TACC2: variants seen among roughly 807,000 people sequenced by gnomAD.
The protein encoded by TACC2 is transforming acidic coiled-coil-containing protein 2.
TACC2 carries 137 observed loss-of-function variants against 227.3 expected under a neutral mutation model. That is an observed-to-expected ratio of 0.60 (90% CI 0.52 to 0.69). The LOEUF is 0.69. TACC2 is among the 30% of genes least tolerant of loss of function. The probability of loss-of-function intolerance (pLI) is 0.00; values close to 1 mark genes in which losing one functional copy is unlikely to be tolerated. For synonymous variants in TACC2, 1,523 were observed against 1,487.5 expected, an observed-to-expected ratio of 1.02 and a Z score of -0.55; for missense variants, 3,470 against 3,694.4, an observed-to-expected ratio of 0.94 and a Z score of 1.57.
rs1284732668 is a variant in TACC2 at position 122,205,637 on chromosome 10, G to GCACCT, written c.5972-4759_5972-4755dup. Among the ~76,000 whole-genome samples, 1 of 152,220 alleles carries GCACCT rather than the reference G, an allele frequency of 6.6e-6. No individual in the cohort carries two copies. The highest frequency in any genetic ancestry group is 1.9e-4 in the East Asian group (1 of 5,192). On this transcript the variant is annotated intron_variant, in intron 8 of 22. Transcript: ENST00000369005. This position sits in a 1 kb window ranked among gnomAD's most constrained non-coding sequence, Gnocchi z 4.5. ...GTTCCAGACTTCCCGATGAGGAGGC[G>GCACCT]CACCTGTGGCACCTGTTACGATGGG...
chr10:122,143,529 G>GAGC lies in TACC2; in HGVS notation c.5700-42_5700-40dup, dbSNP rs562307119. 452 of 1,592,816 alleles carry GAGC rather than the reference G, an allele frequency of 2.8e-4. 2 individuals are homozygous for GAGC. The African/African-American group carries it at 5.4e-3, about 19-fold the overall frequency. ...GGGGCCTGATGAATGTGCCATTAAT[G>GAGC]AGCCCAGCACCATGTGGAATAATTC... On this transcript the variant is annotated intron_variant, in intron 6 of 22. Coordinates refer to ENST00000369005, the MANE Select transcript of TACC2 (RefSeq NM_206862.4).
chr10:122,015,953 T>TAAAA (rs11401777), intron 1 of TACC2, among the ~76,000 whole-genome samples: 6,382 of 147,856 alleles, frequency 0.043, 186 homozygotes, highest in African/African-American at 0.076. Context: ...CCCAAAATGT[T>TAAAA]AAAAAAAAAA....
At chr10:122,081,238 G>C (rs1289157612) in intron 3 of TACC2, among the ~76,000 whole-genome samples, 1 of 151,912 alleles carries the variant, frequency 6.6e-6, no homozygotes, top group Non-Finnish European at 1.5e-5. Context: ...GCACAGCATT[G>C]ACTAGGCGTG....
At chr10:122,123,030 A>G (rs2086149355) in intron 5 of TACC2, among the ~76,000 whole-genome samples, 1 of 152,006 alleles carries the variant, frequency 6.6e-6, no homozygotes, top group African/African-American at 2.4e-5. Flanking sequence ...TTTTTTTGAG[A>G]GAGTTTCACT....
At chr10:121,993,421 A>T (rs908983269) in intron 1 of TACC2, among the ~76,000 whole-genome samples, 3 of 152,172 alleles carry the variant, frequency 2.0e-5, no homozygotes, top group African/African-American at 7.2e-5. Context: ...CTAGAAAAGA[A>T]ATATGAGAGG....
chr10:122,079,077 A>T (rs2079155754), intron 3 of TACC2: 1 of 152,242 alleles, frequency 6.6e-6, no homozygotes, highest in African/African-American at 2.4e-5. Context: ...GTTTCTTTCC[A>T]GCTTGATAAA....
chr10:122,180,329 C>A lies in TACC2; in HGVS notation c.5835-14711C>A, dbSNP rs1374012714. Among the ~76,000 whole-genome samples, 1 of 151,550 alleles carries A rather than the reference C, an allele frequency of 6.6e-6. No individual in the cohort carries two copies. Among genetic ancestry groups the A allele is most frequent in the Non-Finnish European group, 1.5e-5 (1 of 67,950 alleles). On this transcript the variant is annotated intron_variant, in intron 7 of 22. Transcript: ENST00000369005. The surrounding 1 kb of genome is among the most constrained non-coding windows in gnomAD (Gnocchi z 4.5). Reference sequence around the variant, plus strand: ...TGTTCTCCCTGCCTGAAACTTTCTTCCCCCCAGTTCTTTTTTTTTTTTTTT... The same window carrying A: ...TGTTCTCCCTGCCTGAAACTTTCTTACCCCCAGTTCTTTTTTTTTTTTTTT...
chr10:122,096,674 C>A (rs1290989149), intron 5 of TACC2, among the ~76,000 whole-genome samples: 2 of 141,738 alleles, frequency 1.4e-5, no homozygotes, highest in East Asian at 2.1e-4. Context: ...CCAGCCTGGG[C>A]GACAGAGCAA....
At chr10:122,199,504 T>C (rs11200469) in intron 8 of TACC2, among the ~76,000 whole-genome samples, 81,953 of 152,136 alleles carry the variant, frequency 0.54, 23,550 homozygotes, top group African/African-American at 0.75. Flanking sequence ...CATCCCAGAA[T>C]CCAGCTGAGG....
intron 7 of TACC2, among the ~76,000 whole-genome samples, chr10:122,185,758 G>A (rs191348437): frequency 1.3e-5 from 2 of 152,212 alleles, no homozygotes; most frequent in African/African-American, 4.8e-5. Flanking sequence ...AGATGGGTAA[G>A]GGGGTACTGG....
At chr10:122,212,549 T>TA (rs1035021785) in intron 9 of TACC2, among the ~76,000 whole-genome samples, 7 of 152,178 alleles carry the variant, frequency 4.6e-5, no homozygotes, top group African/African-American at 1.7e-4. Flanking sequence ...TCCTTACTCT[T>TA]ACGGGAAGTA....
intron 7 of TACC2, among the ~76,000 whole-genome samples, chr10:122,144,012 T>C (rs1424879603): frequency 6.6e-6 from 1 of 152,132 alleles, no homozygotes; most frequent in Non-Finnish European, 1.5e-5. Flanking sequence ...TTTATATGTA[T>C]ATATATATGC....
At chr10:122,048,819 G>T (rs2075349479) in intron 2 of TACC2, among the ~76,000 whole-genome samples, 2 of 152,208 alleles carry the variant, frequency 1.3e-5, no homozygotes, top group Admixed American at 1.3e-4. Context: ...AAGGTAGAAA[G>T]AAATGAGCTC....
intron 19 of TACC2, 80 bp downstream of exon 19, chr10:122,242,081 C>T: frequency 7.5e-7 from 1 of 1,335,630 alleles, no homozygotes; most frequent in Non-Finnish European, 1.1e-6. Flanking sequence ...ATAGGAGGCT[C>T]AGAGTGGGTT....
intron 1 of TACC2, among the ~76,000 whole-genome samples, chr10:122,004,330 G>A (rs979185581): frequency 3.3e-5 from 5 of 151,782 alleles, no homozygotes; most frequent in Admixed American, 6.6e-5. Flanking sequence ...TCTGGGAGGC[G>A]GAGGTTGCAG....
intron 7 of TACC2, among the ~76,000 whole-genome samples, chr10:122,146,816 A>G (rs1051728446): frequency 6.6e-6 from 1 of 152,130 alleles, no homozygotes; most frequent in Non-Finnish European, 1.5e-5. Flanking sequence ...CTGTTCCAGG[A>G]TCCCATCCAG....
chr10:122,214,833 G>A (rs2095367910), intron 9 of TACC2, among the ~76,000 whole-genome samples: 1 of 152,148 alleles, frequency 6.6e-6, no homozygotes, highest in Non-Finnish European at 1.5e-5. Flanking sequence ...CTTTAGTCAG[G>A]ATTCCACCTA....
intron 3 of TACC2, among the ~76,000 whole-genome samples, chr10:122,081,527 CAA>C (rs374512156): frequency 5.5e-5 from 6 of 109,542 alleles, no homozygotes; most frequent in Admixed American, 9.9e-5. Context: ...GACTCCGTCT[CAA>C]AAAAAAAAAA....
intron 7 of TACC2, among the ~76,000 whole-genome samples, chr10:122,174,760 CACTAAGTTGT>C (rs1188762410): frequency 6.6e-6 from 1 of 152,128 alleles, no homozygotes; most frequent in Non-Finnish European, 1.5e-5. Context: ...TAGATAGAGT[CACTAAGTTGT>C]ACAATAGATC....
Sources: allele counts gnomAD v4.1 joint callset (sites outside exome capture counted in the v4.1 genomes callset), GRCh38; gene constraint gnomAD v4.1.1; non-coding constraint Gnocchi (gnomAD v3.1); transcripts MANE v1.5; gene names NCBI Gene and HGNC (gene_info 2026-07-23, HGNC 2026-07-21).